The following XXYLT1 variants were observed in gnomAD, a reference collection of about 807,000 sequenced individuals.
XXYLT1 encodes the protein UDP-xylose:alpha-xyloside alpha-1,3-xylosyltransferase.
Under a neutral mutation model 28.9 loss-of-function variants are expected in XXYLT1, and 20 were observed. The observed-to-expected ratio is 0.69, with a 90% CI of 0.49 to 1.00. The LOEUF (loss-of-function observed/expected upper bound fraction) is 1.00, where lower values mean the gene tolerates loss of function less well. Ranked by LOEUF, XXYLT1 falls within the 50% of genes least tolerant of loss-of-function variation. XXYLT1 has a pLI of 0.00. For synonymous variants in XXYLT1, 257 were observed against 253.8 expected (o/e 1.01, Z -0.12); for missense variants, 542 against 560.1 (o/e 0.97, Z 0.33).
At position 195,069,673 on chromosome 3, in the gene XXYLT1, C is replaced by G; in HGVS notation, c.*42G>C. On this transcript the variant is annotated 3_prime_UTR_variant, in exon 4 of 4. Transcript: ENST00000310380. ...GTCTGTCCCAAGGAACCCTGTCCTT[C>G]CCCCAGATCTGGAGGCCCCGGGGGC... is the stretch of plus-strand genomic sequence containing the variant. 1 of 1,571,242 alleles carries G rather than the reference C, an allele frequency of 6.4e-7. No individual in the cohort carries two copies. The highest frequency in any genetic ancestry group is 8.6e-7 in the Non-Finnish European group (1 of 1,162,568).
intron 3 of XXYLT1, among the ~76,000 whole-genome samples, chr3:195,088,126 C>T (rs566556325): frequency 4.0e-5 from 6 of 151,402 alleles, no homozygotes; most frequent in East Asian, 2.0e-4. Context: ...CCGCCATTGC[C>T]CAGGCTTGAT....
rs1464043811 is a variant in XXYLT1 at position 195,240,672 on chromosome 3, T to C, written c.505-13816A>G. On this transcript the variant is annotated intron_variant, in intron 1 of 3. Transcript: ENST00000310380. This position sits in a 1 kb window ranked among gnomAD's most constrained non-coding sequence, Gnocchi z 4.7. Reference sequence around the variant, plus strand: ...GCCGGAGGCCAAGGGTTCACCCATCTCCTCCCCATGCGCCGCCAGAGACCA... The same window carrying C: ...GCCGGAGGCCAAGGGTTCACCCATCCCCTCCCCATGCGCCGCCAGAGACCA... Among the ~76,000 whole-genome samples, 3 of 152,136 alleles carry C rather than the reference T, an allele frequency of 2.0e-5. No individual in the cohort carries two copies. Among genetic ancestry groups the C allele is most frequent in the African/African-American group, 7.2e-5 (3 of 41,428 alleles).
In XXYLT1 at chr3:195,142,279, T is replaced by C. The variant is rs564987795; in HGVS notation, c.785+14170A>G. Among the ~76,000 whole-genome samples, 3 of 152,338 alleles carry C rather than the reference T, an allele frequency of 2.0e-5. No individual in the cohort carries two copies. In the South Asian group the frequency reaches 6.2e-4, roughly 32 times the overall value. Reference sequence around the variant, plus strand: ...TGTTCTAGTTTAAACAATATATGAATGGTAACTATTTCTCATGATGTTTAT... The same window carrying C: ...TGTTCTAGTTTAAACAATATATGAACGGTAACTATTTCTCATGATGTTTAT... On this transcript the variant is annotated intron_variant, in intron 3 of 3. Coordinates refer to ENST00000310380, the MANE Select transcript of XXYLT1 (RefSeq NM_152531.5).
intron 3 of XXYLT1, among the ~76,000 whole-genome samples, chr3:195,131,791 A>G (rs1718920021): frequency 6.6e-6 from 1 of 152,186 alleles, no homozygotes; most frequent in Admixed American, 6.5e-5. Context: ...AATATATAAT[A>G]TTACCACACA....
chr3:195,109,603 G>GT (rs1560099639), intron 3 of XXYLT1, among the ~76,000 whole-genome samples: 6 of 51,282 alleles, frequency 1.2e-4, no homozygotes, highest in Non-Finnish European at 2.2e-4. Flanking sequence ...CGTGTGTGTG[G>GT]TGTGTGTTGT....
intron 3 of XXYLT1, among the ~76,000 whole-genome samples, chr3:195,084,870 G>A (rs1247972729): frequency 2.0e-5 from 3 of 152,170 alleles, no homozygotes; most frequent in African/African-American, 7.2e-5. Flanking sequence ...TCTCCATGCT[G>A]GGGACAGTAC....
Position 195,115,658 on chromosome 3 carries a change from C to T in XXYLT1, c.785+40791G>A, listed in dbSNP as rs182372712. Among the ~76,000 whole-genome samples the T allele has an allele frequency of 1.4e-3, 218 of 152,326 alleles. 1 individual carries two copies. The highest frequency in any genetic ancestry group is 3.3e-3 in the Admixed American group (50 of 15,310). On this transcript the variant is annotated intron_variant, in intron 3 of 3. Transcript: ENST00000310380. This position sits in a 1 kb window ranked among gnomAD's most constrained non-coding sequence, Gnocchi z 4.2. ...ACAGGACGACTCCCTTCATCTGGTGCGGAGCAGTAACCCCCTCGTCTGGCT... is the reference window on the plus strand; with the variant it reads ...ACAGGACGACTCCCTTCATCTGGTGTGGAGCAGTAACCCCCTCGTCTGGCT...
intron 3 of XXYLT1, among the ~76,000 whole-genome samples, chr3:195,126,074 G>A (rs765192329): frequency 1.3e-5 from 2 of 152,220 alleles, no homozygotes; most frequent in Non-Finnish European, 2.9e-5. Flanking sequence ...TCACATGCAT[G>A]CCATAAGGTT....
chr3:195,243,216 G>A (rs184658845), intron 1 of XXYLT1, among the ~76,000 whole-genome samples: 12 of 151,962 alleles, frequency 7.9e-5, no homozygotes, highest in African/African-American at 2.9e-4. Context: ...GTCGTGGGGT[G>A]GGGGGAAGGG....
chr3:195,174,947 G>C (rs1721588226), intron 2 of XXYLT1, among the ~76,000 whole-genome samples: 1 of 152,036 alleles, frequency 6.6e-6, no homozygotes, highest in Non-Finnish European at 1.5e-5. Flanking sequence ...CTTATCTATG[G>C]TTGGCCTCTC....
chr3:195,219,784 G>C (rs759291223), intron 2 of XXYLT1, among the ~76,000 whole-genome samples: 2 of 152,214 alleles, frequency 1.3e-5, no homozygotes, highest in Non-Finnish European at 2.9e-5. Flanking sequence ...ACTGAAATAA[G>C]GACTCTCAGG....
Position 195,180,269 on chromosome 3 carries a change from T to TC in XXYLT1, c.653-23689dup. 1.0e-6 allele frequency: 1 copy of TC among 965,044 alleles called. No individual in the cohort carries two copies. Among genetic ancestry groups the TC allele is most frequent in the African/African-American group, 1.8e-5 (1 of 56,754 alleles). The allele number at this position is 965,044 out of a possible 1,614,324, so 59.8% of individuals were successfully genotyped here. ...CGGGGGTGGTGAGTGGCACACTCGG[T>TC]CCCCCAGTTACAGGAAAGGTCCCTT... On this transcript the variant is annotated intron_variant, in intron 2 of 3. Transcript: ENST00000310380. This position sits in a 1 kb window ranked among gnomAD's most constrained non-coding sequence, Gnocchi z 5.8.
chr3:195,150,864 A>ACT lies in XXYLT1; in HGVS notation c.785+5584_785+5585insAG, dbSNP rs1288585321. On this transcript the variant is annotated intron_variant, in intron 3 of 3. Coordinates refer to ENST00000310380, the MANE Select transcript of XXYLT1 (RefSeq NM_152531.5). This position sits in a 1 kb window ranked among gnomAD's most constrained non-coding sequence, Gnocchi z 4.7. ...CTCTCTCACACACTCTCACACACACACACACTCTCTCCCTCTCCCTCTCCC... is the reference window on the plus strand; with the variant it reads ...CTCTCTCACACACTCTCACACACACACTCACACTCTCTCCCTCTCCCTCTCCC... 3.1e-4 allele frequency among the ~76,000 whole-genome samples: 27 copies of ACT among 86,900 alleles called. No individual in the cohort carries two copies. Among genetic ancestry groups the ACT allele is most frequent in the African/African-American group, 1.5e-3 (27 of 17,804 alleles). 57.0% of individuals were successfully genotyped at this position (86,900 alleles called of 152,430 possible).
rs145800236 is a variant in XXYLT1, at chr3:195,115,566, G to A, written c.785+40883C>T. Among the ~76,000 whole-genome samples, 76 of 152,330 alleles carry A rather than the reference G, an allele frequency of 5.0e-4. No individual in the cohort carries two copies. The highest frequency in any genetic ancestry group is 1.8e-3 in the African/African-American group (76 of 41,564). On this transcript the variant is annotated intron_variant, in intron 3 of 3. Coordinates refer to ENST00000310380, the MANE Select transcript of XXYLT1 (RefSeq NM_152531.5). This position sits in a 1 kb window ranked among gnomAD's most constrained non-coding sequence, Gnocchi z 4.2. ...GATCCCTGGTTGATAAACCCTGCCT[G>A]GCAAACCGAGCACGCGTGAAGGCCT... is the stretch of plus-strand genomic sequence containing the variant.
At chr3:195,110,287 ATGTGTG>A (rs1717507553) in intron 3 of XXYLT1, among the ~76,000 whole-genome samples, 3 of 2,746 alleles carry the variant, frequency 1.1e-3, no homozygotes, top group East Asian at 4.3e-3. Context: ...TGTGGGGTGT[ATGTGTG>A]CGTGTGTGGT....
intron 3 of XXYLT1, among the ~76,000 whole-genome samples, chr3:195,079,828 C>T (rs534814558): frequency 6.6e-6 from 1 of 152,182 alleles, no homozygotes; most frequent in South Asian, 2.1e-4. Context: ...TTACAAGGGG[C>T]TCTGTGTAAT....
intron 1 of XXYLT1, among the ~76,000 whole-genome samples, chr3:195,242,457 CT>C (rs1724819800): frequency 6.6e-6 from 1 of 152,084 alleles, no homozygotes; most frequent in South Asian, 2.1e-4. Flanking sequence ...CACCAGGGTT[CT>C]TGGTCTTGCG....
chr3:195,258,999 G>T (rs1445696323), intron 1 of XXYLT1, among the ~76,000 whole-genome samples: 3 of 152,230 alleles, frequency 2.0e-5, no homozygotes, highest in Admixed American at 2.0e-4. Context: ...ACAGCAGGGT[G>T]TCAGTTCCCA....
At chr3:195,110,612 T>TG (rs1491328358) in intron 3 of XXYLT1, among the ~76,000 whole-genome samples, 1 of 62,556 alleles carries the variant, frequency 1.6e-5, no homozygotes, top group Non-Finnish European at 3.5e-5. Context: ...TATGTGTGCA[T>TG]GTGTGTGGTG....
Sources: gnomAD v4.1 joint callset for allele counts (sites outside exome capture counted in the v4.1 genomes callset) on GRCh38, gnomAD v4.1.1 for gene constraint, Gnocchi (gnomAD v3.1) non-coding constraint, MANE v1.5 for transcripts, NCBI Gene and HGNC (gene_info 2026-07-23, HGNC 2026-07-21) for gene names.